ACTG2: variants seen among roughly 807,000 people sequenced by gnomAD.
ACTG2 encodes the protein actin gamma 2, smooth muscle.
ACTG2 carries 16 observed loss-of-function variants against 37.6 expected under a neutral mutation model. The ratio of observed to expected loss-of-function variants is 0.43; its 90% CI spans 0.29 to 0.65. ACTG2 has a LOEUF of 0.65. Ranked by LOEUF, ACTG2 falls within the 30% of genes least tolerant of loss-of-function variation. ACTG2 has a pLI of 0.18. For synonymous variants in ACTG2, 181 were observed against 179.9 expected (o/e 1.01, Z -0.05); for missense variants, 238 against 490.9 (o/e 0.48, Z 4.87).
chr2:73,902,039 GTC>G (rs1553394916), intron 2 of ACTG2, among the ~76,000 whole-genome samples: 15 of 40,760 alleles, frequency 3.7e-4, no homozygotes, highest in Non-Finnish European at 8.0e-4. Flanking sequence ...GTGTGTGTGT[GTC>G]TGTGTGTGTG....
intron 3 of ACTG2, among the ~76,000 whole-genome samples, chr2:73,904,777 G>GTGTGTGTATATA (rs1427483105): frequency 2.3e-5 from 1 of 42,632 alleles, no homozygotes; most frequent in Non-Finnish European, 4.7e-5. Context: ...GTGTGTGTGT[G>GTGTGTGTATATA]TATATATATA....
chr2:73,913,789 A>T (rs1385594978), intron 6 of ACTG2, 143 bp downstream of exon 6: 1 of 680,958 alleles, frequency 1.5e-6, no homozygotes. Flanking sequence ...AGCTGGGGCT[A>T]GGCCTCTGGA....
chr2:73,899,748 C>A (rs191588316), intron 1 of ACTG2, among the ~76,000 whole-genome samples: 71 of 152,252 alleles, frequency 4.7e-4, no homozygotes, highest in Non-Finnish European at 8.1e-4. Flanking sequence ...TAGTACATGG[C>A]TTTATCAAGA....
At chr2:73,895,066 G>A (rs751266381) in intron 1 of ACTG2, among the ~76,000 whole-genome samples, 8 of 152,174 alleles carry the variant, frequency 5.3e-5, no homozygotes, top group Non-Finnish European at 7.4e-5. Context: ...TAGGTTGGGA[G>A]GGAAGAGGGC....
intron 8 of ACTG2, 106 bp downstream of exon 8, chr2:73,916,871 T>C: frequency 3.7e-6 from 5 of 1,335,998 alleles, no homozygotes. Flanking sequence ...GCTGGTCTCC[T>C]GGGTTCAATA....
Position 73,904,737 on chromosome 2 carries a change from CATT to C in ACTG2, c.255+2250_255+2252del, listed in dbSNP as rs1163953768. 5.9e-3 allele frequency among the ~76,000 whole-genome samples: 591 copies of C among 100,944 alleles called. 7 individuals are homozygous for C. Among genetic ancestry groups the C allele is most frequent in the African/African-American group, 0.02 (565 of 28,226 alleles). The allele number at this position is 100,944 out of a possible 152,430, so 66.2% of individuals were successfully genotyped here. ...ATCATTTCATTATATATCTATAAAT[CATT>C]GTGTGTGTGTGTGTGTGTGTGTGTG... On this transcript the variant is annotated intron_variant, in intron 3 of 8. Coordinates refer to ENST00000345517, the MANE Select transcript of ACTG2 (RefSeq NM_001615.4).
At chr2:73,912,523 G>T (rs2694697) in intron 5 of ACTG2, among the ~76,000 whole-genome samples, 96,947 of 151,934 alleles carry the variant, frequency 0.64, 31,304 homozygotes, top group Admixed American at 0.73. Context: ...GTTTCATTAT[G>T]TATTTATTTT....
intron 7 of ACTG2, among the ~76,000 whole-genome samples, chr2:73,915,597 G>C (rs1323074156): frequency 2.6e-5 from 4 of 151,680 alleles, no homozygotes; most frequent in African/African-American, 9.7e-5. Flanking sequence ...AGGACCTTTT[G>C]CTCTAGAAGA....
At chr2:73,908,979 A>G (rs1342496430) in intron 4 of ACTG2, 76 bp from the exon 5 acceptor site, 1 of 1,449,746 alleles carries the variant, frequency 6.9e-7, no homozygotes, top group African/African-American at 1.4e-5. Flanking sequence ...CCTTAATGAG[A>G]TTACAAACCA....
intron 1 of ACTG2, among the ~76,000 whole-genome samples, chr2:73,900,440 A>G (rs1279044096): frequency 6.6e-6 from 1 of 152,268 alleles, no homozygotes; most frequent in Non-Finnish European, 1.5e-5. Flanking sequence ...GAATGCGTGC[A>G]GCAGATGTTG....
Position 73,898,791 on chromosome 2 carries a change from CTTTTTTT to C in ACTG2, c.-36-2481_-36-2475del, listed in dbSNP as rs1183989476. On this transcript the variant is annotated intron_variant, in intron 1 of 8. Coordinates refer to ENST00000345517, the MANE Select transcript of ACTG2 (RefSeq NM_001615.4). Reference sequence around the variant, plus strand: ...TAAACAGAGCTTTCTTTTTTCTTTTCTTTTTTTTTTCTTTTTTTTTTTTTTTTTTGAG... The same window carrying C: ...TAAACAGAGCTTTCTTTTTTCTTTTCTTTCTTTTTTTTTTTTTTTTTTGAG... Among the ~76,000 whole-genome samples, 99 of 92,966 alleles carry C rather than the reference CTTTTTTT, an allele frequency of 1.1e-3. 2 individuals are homozygous for C. The South Asian group carries it at 0.022, about 20-fold the overall frequency. 61.0% of individuals were successfully genotyped at this position (92,966 alleles called of 152,430 possible). A position where few individuals can be genotyped will look rare whatever the true frequency, so the allele number is the denominator to read the frequency against.
At chr2:73,896,438 C>T (rs1398654010) in intron 1 of ACTG2, among the ~76,000 whole-genome samples, 2 of 151,920 alleles carry the variant, frequency 1.3e-5, no homozygotes, top group African/African-American at 2.4e-5. Flanking sequence ...ACAATGTCTA[C>T]GGCACCTTCA....
chr2:73,896,496 T>C (rs1242379569), intron 1 of ACTG2, among the ~76,000 whole-genome samples: 1 of 152,136 alleles, frequency 6.6e-6, no homozygotes, highest in Non-Finnish European at 1.5e-5. Flanking sequence ...TTCCATGTTC[T>C]AGCGGAGGAA....
intron 3 of ACTG2, 179 bp downstream of exon 3, chr2:73,902,667 T>G (rs745702140): frequency 3.2e-6 from 5 of 1,551,788 alleles, no homozygotes; most frequent in Non-Finnish European, 4.4e-6. Context: ...CATCTCTCCC[T>G]GGACTATTGC....
At chr2:73,908,478 C>G (rs1029687096) in intron 3 of ACTG2, 195 bp from the exon 4 acceptor site, 1 of 644,724 alleles carries the variant, frequency 1.6e-6, no homozygotes, top group African/African-American at 1.8e-5. Context: ...AGGTCTGAGT[C>G]CTACCTGGGG....
At chr2:73,903,603 A>G (rs1679937619) in intron 3 of ACTG2, among the ~76,000 whole-genome samples, 1 of 152,228 alleles carries the variant, frequency 6.6e-6, no homozygotes, top group Admixed American at 6.5e-5. Flanking sequence ...TATGTGCTCA[A>G]TAAGTGACAC....
chr2:73,917,712 C>T (rs899327647), intron 8 of ACTG2, among the ~76,000 whole-genome samples: 1 of 152,212 alleles, frequency 6.6e-6, no homozygotes, highest in African/African-American at 2.4e-5. Context: ...AAGGCTGCCC[C>T]GGGCCTTCCC....
At chr2:73,902,652 G>C (rs1440947562) in intron 3 of ACTG2, 164 bp downstream of exon 3, 1 of 1,552,014 alleles carries the variant, frequency 6.4e-7, no homozygotes, top group Admixed American at 2.0e-5. Context: ...AACCTAGGCT[G>C]CCAACATCTC....
At chr2:73,908,491 C>T (rs889974261) in intron 3 of ACTG2, 182 bp from the exon 4 acceptor site, 3 of 644,166 alleles carry the variant, frequency 4.7e-6, no homozygotes, top group Non-Finnish European at 8.5e-6. Flanking sequence ...ACCTGGGGCC[C>T]TGTTGAGAAG....
Sources: allele counts gnomAD v4.1 joint callset (sites outside exome capture counted in the v4.1 genomes callset), GRCh38; gene constraint gnomAD v4.1.1; transcripts MANE v1.5; gene names NCBI Gene and HGNC (gene_info 2026-07-23, HGNC 2026-07-21).